PRCC: variants seen among roughly 807,000 people sequenced by gnomAD.
PRCC encodes proline-rich protein PRCC.
A neutral mutation model predicts 44.0 loss-of-function variants in PRCC; 10 were observed. That is an observed-to-expected ratio of 0.23 (90% CI 0.14 to 0.39). PRCC has a LOEUF of 0.39. PRCC is among the 10% of genes least tolerant of loss of function. The pLI, the probability that PRCC is intolerant of heterozygous loss-of-function variation, is 1.00. For missense variants in PRCC, 573 were observed against 624.7 expected (o/e 0.92, Z 0.88); for synonymous variants, 278 against 259.5 (o/e 1.07, Z -0.69).
intron 3 of PRCC, among the ~76,000 whole-genome samples, chr1:156,789,204 A>C (rs1182090869): frequency 6.6e-6 from 1 of 152,236 alleles, no homozygotes; most frequent in Admixed American, 6.5e-5. Flanking sequence ...TCCTGATCTC[A>C]GGTGATCTGC....
In PRCC at chr1:156,787,162, T is replaced by C. The variant is rs750921071; in HGVS notation, c.1071T>C (p.Gly357=). ...FSTYGDANAA[G]AYYQDYYSGG... ...CATATGGCGATGCCAATGCCGCTGG[T>C]GCTTATTATCAGGTGGGTAGGAGGC... The change falls in exon 3 of 7, where the codon GGT becomes GGC. Residue 357 remains glycine, a synonymous_variant. Coordinates refer to ENST00000271526, the MANE Select transcript of PRCC (RefSeq NM_005973.5). 8 of 1,603,056 alleles carry C rather than the reference T, an allele frequency of 5.0e-6. No homozygotes were observed. In the South Asian group the frequency reaches 7.7e-5, roughly 16 times the overall value.
chr1:156,788,365 GTA>G (rs2102767319), intron 3 of PRCC, among the ~76,000 whole-genome samples: 1 of 152,274 alleles, frequency 6.6e-6, no homozygotes, highest in South Asian at 2.1e-4. Context: ...GTATTCCATG[GTA>G]TATATGTACC....
chr1:156,798,462 G>A (rs147653394), intron 6 of PRCC, among the ~76,000 whole-genome samples: 11 of 152,250 alleles, frequency 7.2e-5, no homozygotes, highest in Middle Eastern at 3.4e-3. Context: ...TCTACGGAAC[G>A]TACCAAACAA....
chr1:156,786,021 A>G (rs903993276), intron 2 of PRCC, among the ~76,000 whole-genome samples: 1 of 152,118 alleles, frequency 6.6e-6, no homozygotes, highest in Non-Finnish European at 1.5e-5. Context: ...TATGTTGGTC[A>G]GGCTGGTCTC....
chr1:156,794,850 G>T (rs372046240), intron 5 of PRCC, 42 bp downstream of exon 5: 2 of 1,610,112 alleles, frequency 1.2e-6, no homozygotes, highest in East Asian at 2.2e-5. Context: ...TTGGGAAGCT[G>T]CAAAGCAAAA....
intron 3 of PRCC, among the ~76,000 whole-genome samples, chr1:156,787,943 C>T (rs567334947): frequency 6.6e-6 from 1 of 152,014 alleles, no homozygotes; most frequent in Non-Finnish European, 1.5e-5. Context: ...GCAACTCTCC[C>T]ACCTCAGCCT....
chr1:156,771,990 T>C (rs1651654219), intron 1 of PRCC, among the ~76,000 whole-genome samples: 1 of 152,138 alleles, frequency 6.6e-6, no homozygotes, highest in Admixed American at 6.6e-5. Flanking sequence ...ATTTATTTAT[T>C]TATTTGTTTT....
intron 4 of PRCC, among the ~76,000 whole-genome samples, chr1:156,792,053 CTTTTTTT>C (rs67388360): frequency 0.055 from 3,217 of 58,540 alleles, 92 homozygotes; most frequent in Non-Finnish European, 0.088. Context: ...TAGTCCCCTT[CTTTTTTT>C]TTTTTTTTTT....
chr1:156,779,578 A>AGGCT (rs1463830202), intron 1 of PRCC, among the ~76,000 whole-genome samples: 2 of 152,048 alleles, frequency 1.3e-5, no homozygotes, highest in Non-Finnish European at 2.9e-5. Context: ...CATATTGGCC[A>AGGCT]GGCTGGTCTC....
At chr1:156,794,529 G>A (rs1652594671) in intron 4 of PRCC, 136 bp from the exon 5 acceptor site, 1 of 1,033,206 alleles carries the variant, frequency 9.7e-7, no homozygotes. Context: ...TAGATGGCAG[G>A]GTGAAAGGAC....
At chr1:156,779,128 A>ATATTTTTT (rs1651947127) in intron 1 of PRCC, among the ~76,000 whole-genome samples, 2 of 35,882 alleles carry the variant, frequency 5.6e-5, no homozygotes, top group Non-Finnish European at 9.0e-5. Context: ...ATATATATAT[A>ATATTTTTT]TTTTTTTTTT....
chr1:156,783,350 C>T (rs1179050017), intron 2 of PRCC, among the ~76,000 whole-genome samples: 1 of 152,190 alleles, frequency 6.6e-6, no homozygotes, highest in African/African-American at 2.4e-5. Flanking sequence ...TATCCTGGCC[C>T]CCAGAAGTTT....
In PRCC at chr1:156,789,641, TAAAG is replaced by T. The variant is rs368088790; in HGVS notation, c.1084-2054_1084-2051del. On this transcript the variant is annotated intron_variant, in intron 3 of 6. Transcript: ENST00000271526. ...AGAGAATAAAAAAATTAATAATAAA[TAAAG>T]AGAATCCTGAGGGTGGTTTGAGGTT... Among the ~76,000 whole-genome samples the T allele has an allele frequency of 1.6e-3, 246 of 152,200 alleles. 3 individuals carry two copies. Among genetic ancestry groups the T allele is most frequent in the African/African-American group, 5.7e-3 (237 of 41,546 alleles).
intron 1 of PRCC, among the ~76,000 whole-genome samples, chr1:156,769,821 C>T (rs1651561184): frequency 6.6e-6 from 1 of 152,044 alleles, no homozygotes; most frequent in Admixed American, 6.6e-5. Context: ...AGGATGGTCT[C>T]GATCTCCTGA....
At position 156,791,968 on chromosome 1, in the gene PRCC, GT is replaced by G. The variant is rs1652493259; in HGVS notation, c.1179+183del. Reference sequence around the variant, plus strand: ...ATAGTGGCTTATATAAAGGAAGTTAGTTTTTTTCTTCATGGAAGAAGGATAT... The same window carrying G: ...ATAGTGGCTTATATAAAGGAAGTTAGTTTTTTCTTCATGGAAGAAGGATAT... On this transcript the variant is annotated intron_variant, in intron 4 of 6. Coordinates refer to ENST00000271526, the MANE Select transcript of PRCC (RefSeq NM_005973.5). 6.1e-5 allele frequency among the ~76,000 whole-genome samples: 9 copies of G among 146,898 alleles called. No homozygotes were observed. In the South Asian group the frequency reaches 2.1e-3, roughly 34 times the overall value.
intron 5 of PRCC, among the ~76,000 whole-genome samples, chr1:156,795,397 C>A (rs1238694752): frequency 6.9e-6 from 1 of 145,762 alleles, no homozygotes; most frequent in Non-Finnish European, 1.5e-5. Flanking sequence ...AAGTGATCCT[C>A]ACACCTCAGT....
intron 6 of PRCC, among the ~76,000 whole-genome samples, chr1:156,799,121 C>T (rs1652761390): frequency 6.6e-6 from 1 of 152,160 alleles, no homozygotes. Flanking sequence ...CTCTTGACTA[C>T]AAATGGCACC....
intron 1 of PRCC, among the ~76,000 whole-genome samples, chr1:156,769,628 C>T (rs1465413916): frequency 2.0e-5 from 3 of 151,456 alleles, no homozygotes; most frequent in Non-Finnish European, 4.4e-5. Flanking sequence ...GAGACGGAGT[C>T]TCCCTCTGTA....
At position 156,787,650 on chromosome 1, in the gene PRCC, C is replaced by CTTTTTTTTTTTTTTTTTTTT. The variant is rs56916626; in HGVS notation, c.1083+492_1083+493insTTTTTTTTTTTTTTTTTTTT. On this transcript the variant is annotated intron_variant, in intron 3 of 6. Transcript: ENST00000271526. ...AGTACCTGATAGGTAGGTTTTTGGC[C>CTTTTTTTTTTTTTTTTTTTT]TTTTTTTTTTTTTTTTGGAGAAGGA... Among the ~76,000 whole-genome samples the CTTTTTTTTTTTTTTTTTTTT allele has an allele frequency of 2.4e-4, 13 of 54,172 alleles. 3 individuals carry two copies. The highest frequency in any genetic ancestry group is 9.1e-4 in the African/African-American group (10 of 11,032). 35.5% of individuals were successfully genotyped at this position (54,172 alleles called of 152,430 possible).
Sources: allele counts gnomAD v4.1 joint callset (sites outside exome capture counted in the v4.1 genomes callset), GRCh38; gene constraint gnomAD v4.1.1; transcripts MANE v1.5; gene names NCBI Gene and HGNC (gene_info 2026-07-23, HGNC 2026-07-21).